Variants in CDH13 observed in about 807,000 individuals in gnomAD.
The protein encoded by CDH13 is cadherin 13.
In CDH13, 24 loss-of-function variants were observed where a neutral mutation model predicts 63.8. The ratio of observed to expected loss-of-function variants is 0.38; its 90% CI spans 0.27 to 0.53. The LOEUF (loss-of-function observed/expected upper bound fraction) is 0.53. CDH13 is among the 20% of genes least tolerant of loss of function. The pLI is 0.85. For missense variants in CDH13, 1,049 were observed against 903.1 expected, an observed-to-expected ratio of 1.16 and a Z score of -2.07; for synonymous variants, 503 against 355.3, an observed-to-expected ratio of 1.42 and a Z score of -4.67.
intron 10 of CDH13, among the ~76,000 whole-genome samples, chr16:83,690,086 C>T (rs779591403): frequency 1.3e-5 from 2 of 152,038 alleles, no homozygotes; most frequent in Admixed American, 6.6e-5. Context: ...GGCAGAAGAA[C>T]CACTTGAACC....
At chr16:82,770,019 C>A (rs905186592) in intron 1 of CDH13, among the ~76,000 whole-genome samples, 1 of 152,200 alleles carries the variant, frequency 6.6e-6, no homozygotes, top group African/African-American at 2.4e-5. Context: ...GTGTACCGTA[C>A]CACCCAGCTG....
At chr16:82,772,269 G>C (rs2035299227) in intron 1 of CDH13, among the ~76,000 whole-genome samples, 1 of 152,118 alleles carries the variant, frequency 6.6e-6, no homozygotes, top group African/African-American at 2.4e-5. Flanking sequence ...AATATTTACT[G>C]GCATACTACC....
At chr16:82,905,537 C>G (rs1369944423) in intron 2 of CDH13, among the ~76,000 whole-genome samples, 10 of 151,490 alleles carry the variant, frequency 6.6e-5, no homozygotes, top group Non-Finnish European at 1.2e-4. Flanking sequence ...CAAAAATATT[C>G]AAAATGATGA....
At position 83,799,346 on chromosome 16, in the gene CDH13, C is replaced by T. The variant is rs536434793; in HGVS notation, c.*4316C>T. 9 of 151,384 alleles carry T rather than the reference C, an allele frequency of 5.9e-5. No individual in the cohort carries two copies. The highest frequency in any genetic ancestry group is 2.2e-4 in the African/African-American group (9 of 41,220). 9.4% of individuals were successfully genotyped at this position (151,384 alleles called of 1,614,324 possible). On this transcript the variant is annotated 3_prime_UTR_variant, in exon 14 of 14. Coordinates refer to ENST00000567109, the MANE Select transcript of CDH13 (RefSeq NM_001257.5). ...GAAAGAAAAGGAAATTTATGAACTC[C>T]AGAGTACCCATTCACTACCAAACCA...
At chr16:83,785,598 A>G (rs949393288) in intron 13 of CDH13, among the ~76,000 whole-genome samples, 1 of 152,204 alleles carries the variant, frequency 6.6e-6, no homozygotes. Context: ...TCTAGAGTGT[A>G]GGAATGTTCC....
At chr16:83,523,217 C>T (rs922948491) in intron 7 of CDH13, among the ~76,000 whole-genome samples, 3 of 152,162 alleles carry the variant, frequency 2.0e-5, no homozygotes, top group Non-Finnish European at 4.4e-5. Flanking sequence ...ATGTCTATGG[C>T]GTCCACCCTG....
chr16:82,956,799 T>G (rs931698863), intron 2 of CDH13, among the ~76,000 whole-genome samples: 5 of 152,222 alleles, frequency 3.3e-5, no homozygotes, highest in Non-Finnish European at 5.9e-5. Flanking sequence ...CAATAACTTG[T>G]GTCTCAGTGG....
intron 1 of CDH13, among the ~76,000 whole-genome samples, chr16:82,679,710 A>G (rs1914335146): frequency 6.6e-6 from 1 of 152,216 alleles, no homozygotes; most frequent in Non-Finnish European, 1.5e-5. Context: ...GGACGTTAAT[A>G]CCAACCTCAT....
intron 6 of CDH13, among the ~76,000 whole-genome samples, chr16:83,394,261 C>G (rs1266129068): frequency 2.7e-5 from 4 of 150,008 alleles, no homozygotes; most frequent in African/African-American, 7.4e-5. Flanking sequence ...AAAAAAAAAA[C>G]AAAAAAGAGT....
chr16:83,773,975 G>C (rs1046738679), intron 11 of CDH13, among the ~76,000 whole-genome samples: 2 of 152,034 alleles, frequency 1.3e-5, no homozygotes, highest in African/African-American at 4.8e-5. Flanking sequence ...GCTGGAAGAC[G>C]AGGCCTCAGC....
intron 7 of CDH13, among the ~76,000 whole-genome samples, chr16:83,572,651 T>C (rs760537746): frequency 3.3e-5 from 5 of 152,230 alleles, no homozygotes; most frequent in Non-Finnish European, 7.3e-5. Flanking sequence ...TAATTGATGT[T>C]ATTCCTGGCC....
chr16:83,384,182 A>G (rs1200334242), intron 6 of CDH13, among the ~76,000 whole-genome samples: 1 of 152,168 alleles, frequency 6.6e-6, no homozygotes, highest in East Asian at 1.9e-4. Context: ...TTTCGTGTTT[A>G]TCAATACCTT....
chr16:82,973,663 G>T (rs62037234), intron 2 of CDH13, among the ~76,000 whole-genome samples: 36 of 152,184 alleles, frequency 2.4e-4, no homozygotes, highest in Admixed American at 9.2e-4. Flanking sequence ...AGGCTGCAGC[G>T]GGTCAAGGAT....
At chr16:83,203,196 C>G (rs1043167650) in intron 4 of CDH13, among the ~76,000 whole-genome samples, 1 of 152,048 alleles carries the variant, frequency 6.6e-6, no homozygotes, top group Non-Finnish European at 1.5e-5. Context: ...TGCACTCCAG[C>G]CTGGGCAACA....
intron 8 of CDH13, among the ~76,000 whole-genome samples, chr16:83,630,657 C>G (rs1169964386): frequency 1.3e-5 from 2 of 152,172 alleles, no homozygotes; most frequent in Admixed American, 1.3e-4. Context: ...GCATTTGTCT[C>G]AGGTGAGCAG....
chr16:83,062,669 G>T (rs980370701), intron 3 of CDH13, among the ~76,000 whole-genome samples: 3 of 152,178 alleles, frequency 2.0e-5, no homozygotes, highest in Non-Finnish European at 4.4e-5. Context: ...CAGGTAGAGA[G>T]GTGTTTCAGT....
At chr16:82,629,455 C>G (rs1907744939) in intron 1 of CDH13, among the ~76,000 whole-genome samples, 1 of 152,184 alleles carries the variant, frequency 6.6e-6, no homozygotes, top group Non-Finnish European at 1.5e-5. Context: ...ACGTGCAGAA[C>G]TCTGTGTGCC....
At chr16:83,084,583 C>T (rs548735701) in intron 3 of CDH13, among the ~76,000 whole-genome samples, 1 of 152,206 alleles carries the variant, frequency 6.6e-6, no homozygotes, top group Non-Finnish European at 1.5e-5. Flanking sequence ...ATATGTGACA[C>T]AGCTGATTTA....
At chr16:83,622,775 C>T (rs149771270) in intron 8 of CDH13, among the ~76,000 whole-genome samples, 101 of 152,332 alleles carry the variant, frequency 6.6e-4, no homozygotes, top group African/African-American at 2.0e-3. Flanking sequence ...TCTTCAAGTT[C>T]ACCAGTCTCT....
Sources: allele counts gnomAD v4.1 joint callset (sites outside exome capture counted in the v4.1 genomes callset), GRCh38; gene constraint gnomAD v4.1.1; transcripts MANE v1.5; gene names NCBI Gene and HGNC (gene_info 2026-07-23, HGNC 2026-07-21).